Variants in SRRM4 observed in about 807,000 individuals in gnomAD.
SRRM4 encodes the protein serine/arginine repetitive matrix 4, also known as serine/arginine repetitive matrix protein 4.
SRRM4 carries 33 observed loss-of-function variants against 68.9 expected under a neutral mutation model. The ratio of observed to expected loss-of-function variants is 0.48; its 90% CI spans 0.36 to 0.64. The LOEUF (loss-of-function observed/expected upper bound fraction) is 0.64. Ranked by LOEUF, SRRM4 falls within the 30% of genes least tolerant of loss-of-function variation. SRRM4 has a pLI of 0.00. For synonymous variants in SRRM4, 318 were observed against 318.8 expected, an observed-to-expected ratio of 1.00 and a Z score of 0.03; for missense variants, 817 against 827.1, an observed-to-expected ratio of 0.99 and a Z score of 0.15.
chr12:119,011,741 C>T (rs922209554), intron 1 of SRRM4, among the ~76,000 whole-genome samples: 2 of 152,206 alleles, frequency 1.3e-5, no homozygotes, highest in Admixed American at 1.3e-4. Flanking sequence ...TCTGACAGTG[C>T]TAAGCTCCCT....
intron 1 of SRRM4, among the ~76,000 whole-genome samples, chr12:119,033,781 GTATT>G (rs1252842633): frequency 6.6e-6 from 1 of 151,944 alleles, no homozygotes; most frequent in African/African-American, 2.4e-5. Context: ...TAATAAAAAA[GTATT>G]TAACACTATG....
chr12:119,125,538 CTG>C, intron 7 of SRRM4, 59 bp downstream of exon 7: 2 of 1,457,834 alleles, frequency 1.4e-6, no homozygotes, highest in Admixed American at 3.5e-5. Context: ...GGCTAAGACA[CTG>C]TTAACACTAG....
intron 1 of SRRM4, among the ~76,000 whole-genome samples, chr12:119,011,933 A>G (rs1193000284): frequency 3.3e-5 from 5 of 152,162 alleles, no homozygotes; most frequent in African/African-American, 1.2e-4. Context: ...AATGGGGATG[A>G]TGGTAGTGTC....
At chr12:119,024,338 C>A (rs945879496) in intron 1 of SRRM4, among the ~76,000 whole-genome samples, 1 of 152,198 alleles carries the variant, frequency 6.6e-6, no homozygotes, top group Non-Finnish European at 1.5e-5. Context: ...TACCTTGCAG[C>A]GTATCTCTGT....
chr12:118,995,288 C>G (rs1033379190), intron 1 of SRRM4, among the ~76,000 whole-genome samples: 18 of 152,168 alleles, frequency 1.2e-4, no homozygotes, highest in African/African-American at 4.3e-4. Context: ...ACTTACACAG[C>G]TAGGTAATGT....
At chr12:119,081,865 C>A (rs1953949768) in intron 1 of SRRM4, among the ~76,000 whole-genome samples, 1 of 152,162 alleles carries the variant, frequency 6.6e-6, no homozygotes, top group Admixed American at 6.5e-5. Context: ...AGGACAACAC[C>A]AAGGTTACCA....
At chr12:119,078,396 G>T (rs1216630843) in intron 1 of SRRM4, among the ~76,000 whole-genome samples, 3 of 152,174 alleles carry the variant, frequency 2.0e-5, no homozygotes, top group Non-Finnish European at 2.9e-5. Flanking sequence ...CAGGATGTCT[G>T]AATGACTGGA....
intron 1 of SRRM4, among the ~76,000 whole-genome samples, chr12:118,997,645 A>C (rs938505989): frequency 8.5e-5 from 13 of 152,220 alleles, no homozygotes; most frequent in Admixed American, 2.0e-4. Flanking sequence ...AGCCTGACAC[A>C]CGTCTCCCTG....
chr12:119,090,224 T>A (rs1444898279), intron 1 of SRRM4, among the ~76,000 whole-genome samples: 1 of 152,120 alleles, frequency 6.6e-6, no homozygotes, highest in Non-Finnish European at 1.5e-5. Flanking sequence ...AACCATCATT[T>A]TGCATTTAGT....
chr12:118,996,382 T>A (rs1040273639), intron 1 of SRRM4, among the ~76,000 whole-genome samples: 1 of 152,216 alleles, frequency 6.6e-6, no homozygotes, highest in Non-Finnish European at 1.5e-5. Flanking sequence ...CTTTTTCACT[T>A]GTGCAAAAAG....
At chr12:119,122,404 G>A (rs907575946) in intron 6 of SRRM4, among the ~76,000 whole-genome samples, 12 of 152,096 alleles carry the variant, frequency 7.9e-5, no homozygotes, top group Non-Finnish European at 1.3e-4. Flanking sequence ...TGAATGCACC[G>A]GGTCGTGTGT....
intron 1 of SRRM4, chr12:118,989,579 A>T (rs1196399877): frequency 1.5e-5 from 2 of 137,166 alleles, no homozygotes. Context: ...AATTTTGCTG[A>T]GGGAGCTCCC....
At chr12:119,025,768 C>G (rs569905201) in intron 1 of SRRM4, among the ~76,000 whole-genome samples, 1 of 152,112 alleles carries the variant, frequency 6.6e-6, no homozygotes, top group South Asian at 2.1e-4. Flanking sequence ...ACTAGGGGAA[C>G]TGCCCAAAGG....
intron 8 of SRRM4, among the ~76,000 whole-genome samples, chr12:119,142,113 C>T (rs1269793343): frequency 6.6e-6 from 1 of 152,042 alleles, no homozygotes; most frequent in East Asian, 1.9e-4. Flanking sequence ...CTGTGGGGGC[C>T]AGGGTGGGAT....
intron 1 of SRRM4, chr12:119,000,946 A>G (rs1594020985): frequency 1.3e-5 from 2 of 152,176 alleles, no homozygotes; most frequent in Admixed American, 6.5e-5. Context: ...GGAAGTGTCT[A>G]TTGGCTGCAC....
chr12:118,984,267 C>T (rs1953267747), intron 1 of SRRM4, among the ~76,000 whole-genome samples: 1 of 152,212 alleles, frequency 6.6e-6, no homozygotes, highest in Non-Finnish European at 1.5e-5. Context: ...CAACATTCTA[C>T]ACTTACTTAA....
chr12:119,145,841 T>C (rs1954398863), intron 9 of SRRM4, among the ~76,000 whole-genome samples, 156 bp downstream of exon 9: 1 of 152,168 alleles, frequency 6.6e-6, no homozygotes, highest in Non-Finnish European at 1.5e-5. Context: ...AAAACACTAG[T>C]GGCACTAGCT....
intron 1 of SRRM4, among the ~76,000 whole-genome samples, chr12:119,044,620 T>C (rs1953693431): frequency 6.6e-6 from 1 of 151,862 alleles, no homozygotes; most frequent in Admixed American, 6.6e-5. Flanking sequence ...CTTGGCCAAG[T>C]CCTTTAGCCT....
intron 1 of SRRM4, among the ~76,000 whole-genome samples, chr12:118,990,645 T>C (rs1953310799): frequency 1.3e-5 from 2 of 152,220 alleles, no homozygotes; most frequent in Admixed American, 1.3e-4. Flanking sequence ...GTAACTGCCA[T>C]TGTTATAATC....
Sources: gnomAD v4.1 joint callset for allele counts (sites outside exome capture counted in the v4.1 genomes callset) on GRCh38, gnomAD v4.1.1 for gene constraint, MANE v1.5 for transcripts, NCBI Gene and HGNC (gene_info 2026-07-23, HGNC 2026-07-21) for gene names.